The following PDZD9 variants were observed in gnomAD, a reference collection of about 807,000 sequenced individuals.
The protein encoded by PDZD9 is PDZ domain containing 9.
A neutral mutation model predicts 16.3 loss-of-function variants in PDZD9; 13 were observed. The ratio of observed to expected loss-of-function variants is 0.80; its 90% CI spans 0.52 to 1.27. The LOEUF is 1.27. Ranked by LOEUF, PDZD9 falls within the 50% of genes most tolerant of loss-of-function variation. The pLI, the probability that PDZD9 is intolerant of heterozygous loss-of-function variation, is 0.00. For synonymous variants in PDZD9, 120 were observed against 111.0 expected, an observed-to-expected ratio of 1.08 and a Z score of -0.51; for missense variants, 288 against 310.9, an observed-to-expected ratio of 0.93 and a Z score of 0.55.
chr16:21,991,470 C>G (rs1203585886), intron 2 of PDZD9, among the ~76,000 whole-genome samples: 1 of 152,140 alleles, frequency 6.6e-6, no homozygotes, highest in Non-Finnish European at 1.5e-5. Flanking sequence ...AACTCCTGAG[C>G]TCAATTTGCC....
At chr16:21,974,319 G>A in the PDZD9 span, among the ~76,000 whole-genome samples, 1 of 152,150 alleles carries the variant, frequency 6.6e-6, no homozygotes, top group East Asian at 1.9e-4. Context: ...TTGAAATCAG[G>A]GATATGTGTG....
intron 2 of PDZD9, among the ~76,000 whole-genome samples, chr16:21,991,235 C>CT (rs200663594): frequency 0.03 from 4,390 of 144,692 alleles, 93 homozygotes; most frequent in Middle Eastern, 0.062. Context: ...ACATTAATTT[C>CT]TTTTTTTTTT....
rs555149601 is a variant in PDZD9 at position 21,993,391 on chromosome 16, C to T, written c.211+2931G>A. 1.8e-4 allele frequency among the ~76,000 whole-genome samples: 28 copies of T among 152,190 alleles called. 1 individual carries two copies. The highest frequency in any genetic ancestry group is 3.7e-4 in the Non-Finnish European group (25 of 68,022). ...CAGCAGCTTCCCCATGGGACCTGTC[C>T]TGGAGTTCTTTTGTTCTGGTAAGTC... On this transcript the variant is annotated intron_variant, in intron 2 of 3. Transcript: ENST00000424898.
chr16:21,966,317 C>T, the PDZD9 span, among the ~76,000 whole-genome samples: 7 of 152,100 alleles, frequency 4.6e-5, no homozygotes, highest in African/African-American at 1.2e-4. Flanking sequence ...CACCAGCCTC[C>T]GTTTGCTGGC....
chr16:21,966,178 G>T, the PDZD9 span, among the ~76,000 whole-genome samples: 1 of 151,804 alleles, frequency 6.6e-6, no homozygotes, highest in Non-Finnish European at 1.5e-5. Context: ...ATATGTGTGT[G>T]TGTATACATA....
the PDZD9 span, among the ~76,000 whole-genome samples, chr16:21,971,158 A>G: frequency 6.6e-6 from 1 of 152,200 alleles, no homozygotes; most frequent in African/African-American, 2.4e-5. Flanking sequence ...TGGTAGAGCC[A>G]TAGAAAGGGA....
the PDZD9 span, among the ~76,000 whole-genome samples, chr16:21,968,198 C>T: frequency 6.6e-6 from 1 of 152,102 alleles, no homozygotes; most frequent in African/African-American, 2.4e-5. Flanking sequence ...GTCAGGATTT[C>T]GCTGTGTTGC....
chr16:21,991,696 A>G (rs1322385748), intron 2 of PDZD9, among the ~76,000 whole-genome samples: 3 of 152,236 alleles, frequency 2.0e-5, no homozygotes, highest in Non-Finnish European at 2.9e-5. Context: ...CAGCACATAG[A>G]TAAAAGATAA....
intron 1 of PDZD9, among the ~76,000 whole-genome samples, 189 bp downstream of exon 1, chr16:22,000,825 AATG>A (rs10611346): frequency 0.5 from 70,724 of 140,268 alleles, 19,606 homozygotes; most frequent in Non-Finnish European, 0.64. Context: ...CTCCTTCTCA[AATG>A]ATGATGATGA....
chr16:21,975,651 A>G, the PDZD9 span, among the ~76,000 whole-genome samples: 3 of 152,216 alleles, frequency 2.0e-5, no homozygotes, highest in South Asian at 4.1e-4. Context: ...CCTGGCTTAC[A>G]AAGTATGGAC....
At chr16:21,970,024 AT>A in the PDZD9 span, among the ~76,000 whole-genome samples, 1 of 151,974 alleles carries the variant, frequency 6.6e-6, no homozygotes, top group African/African-American at 2.4e-5. Flanking sequence ...GTCTCTATAG[AT>A]TTGACTATTC....
chr16:21,966,428 G>A, the PDZD9 span, among the ~76,000 whole-genome samples: 3 of 152,098 alleles, frequency 2.0e-5, no homozygotes, highest in Non-Finnish European at 2.9e-5. Flanking sequence ...AGATATGTGC[G>A]TATAATCTTA....
chr16:21,992,202 A>T (rs1284713875), intron 2 of PDZD9, among the ~76,000 whole-genome samples: 1 of 152,034 alleles, frequency 6.6e-6, no homozygotes, highest in Non-Finnish European at 1.5e-5. Context: ...GCACTCCTGC[A>T]CTCCAGCCTG....
At chr16:21,970,367 A>G in the PDZD9 span, among the ~76,000 whole-genome samples, 1 of 152,160 alleles carries the variant, frequency 6.6e-6, no homozygotes, top group African/African-American at 2.4e-5. Context: ...GAACTGCCAG[A>G]CTGTTTTCCA....
At chr16:21,976,509 T>G in the PDZD9 span, 2 of 341,286 alleles carry the variant, frequency 5.9e-6, no homozygotes, top group Non-Finnish European at 1.1e-5. Flanking sequence ...TTGGGCAACA[T>G]AGCAAGACCT....
At chr16:21,986,384 A>G (rs1003572668) in intron 3 of PDZD9, among the ~76,000 whole-genome samples, 2 of 152,166 alleles carry the variant, frequency 1.3e-5, no homozygotes, top group African/African-American at 4.8e-5. Context: ...TCAGTCTACC[A>G]TCCTTAGAAT....
the PDZD9 span, chr16:21,968,602 C>G: frequency 7.0e-6 from 11 of 1,579,264 alleles, no homozygotes; most frequent in South Asian, 1.2e-4. Context: ...CTAATATAAC[C>G]TAATAAGTGT....
the PDZD9 span, among the ~76,000 whole-genome samples, chr16:21,969,455 C>T: frequency 1.3e-5 from 2 of 152,118 alleles, no homozygotes; most frequent in Non-Finnish European, 2.9e-5. Context: ...TCGCTTGAAC[C>T]CAGGAGGCAG....
the PDZD9 span, among the ~76,000 whole-genome samples, chr16:21,961,084 G>A: frequency 1.3e-5 from 2 of 152,122 alleles, no homozygotes; most frequent in Non-Finnish European, 2.9e-5. Flanking sequence ...TCTCACCTCA[G>A]CCCAGCATGC....
Sources: allele counts gnomAD v4.1 joint callset (sites outside exome capture counted in the v4.1 genomes callset), GRCh38; gene constraint gnomAD v4.1.1; transcripts MANE v1.5; gene names NCBI Gene and HGNC (gene_info 2026-07-23, HGNC 2026-07-21).